Variants in HAO1 observed in about 807,000 individuals in gnomAD.
The protein encoded by HAO1 is hydroxyacid oxidase 1, also known as 2-Hydroxyacid oxidase 1.
Under a neutral mutation model 39.7 loss-of-function variants are expected in HAO1, and 34 were observed. The observed-to-expected ratio is 0.86, with a 90% CI of 0.65 to 1.14. The LOEUF is 1.14. Among genes scored for constraint, HAO1 ranks in the 50% most tolerant of loss-of-function variants. HAO1 has a pLI of 0.00. For missense variants in HAO1, 479 were observed against 464.5 expected (o/e 1.03, Z -0.29); for synonymous variants, 172 against 173.2 (o/e 0.99, Z 0.05).
At chr20:7,886,921 C>A (rs2294307) in intron 5 of HAO1, among the ~76,000 whole-genome samples, 12,910 of 152,180 alleles carry the variant, frequency 0.085, 815 homozygotes, top group South Asian at 0.3. Context: ...GGTATTGTTT[C>A]CCCCTCATCT....
intron 3 of HAO1, among the ~76,000 whole-genome samples, chr20:7,913,832 G>T (rs1489589877): frequency 6.6e-6 from 1 of 152,128 alleles, no homozygotes; most frequent in Non-Finnish European, 1.5e-5. Context: ...GGTAAAGGTG[G>T]CTCTTTGACT....
intron 2 of HAO1, among the ~76,000 whole-genome samples, chr20:7,925,017 G>A (rs2050352822): frequency 6.6e-6 from 1 of 152,114 alleles, no homozygotes; most frequent in African/African-American, 2.4e-5. Flanking sequence ...GCACCATAAT[G>A]TCCATTGAGT....
intron 1 of HAO1, among the ~76,000 whole-genome samples, chr20:7,934,950 C>G (rs1000229227): frequency 6.6e-6 from 1 of 152,178 alleles, no homozygotes; most frequent in Non-Finnish European, 1.5e-5. Flanking sequence ...CCATGACAAT[C>G]AAGATCTAGA....
intron 5 of HAO1, among the ~76,000 whole-genome samples, chr20:7,889,054 T>C (rs914663838): frequency 3.9e-5 from 6 of 152,274 alleles, no homozygotes; most frequent in South Asian, 4.1e-4. Context: ...TCAGCCCAAA[T>C]TGCCAACCCA....
At chr20:7,934,366 G>C (rs2050399939) in intron 2 of HAO1, 118 bp downstream of exon 2, 1 of 689,326 alleles carries the variant, frequency 1.5e-6, no homozygotes, top group Non-Finnish European at 2.4e-6. Context: ...TAGAGTCCAT[G>C]AGCTTAATGT....
intron 4 of HAO1, among the ~76,000 whole-genome samples, chr20:7,903,861 T>C (rs1243507595): frequency 7.2e-5 from 5 of 69,734 alleles, no homozygotes; most frequent in East Asian, 1.4e-3. Context: ...GTGGTAGCGG[T>C]GGTGGTGGTG....
chr20:7,918,622 G>A (rs1227506993), intron 2 of HAO1, among the ~76,000 whole-genome samples: 1 of 152,084 alleles, frequency 6.6e-6, no homozygotes, highest in African/African-American at 2.4e-5. Context: ...CAGAGCGGGG[G>A]GCATCCACCC....
At chr20:7,936,611 A>G (rs2050413553) in intron 1 of HAO1, among the ~76,000 whole-genome samples, 1 of 151,508 alleles carries the variant, frequency 6.6e-6, no homozygotes. Context: ...TCCCATTTAT[A>G]AAGCAAAGCT....
At chr20:7,883,985 T>C (rs1192018644) in intron 7 of HAO1, among the ~76,000 whole-genome samples, 1 of 152,200 alleles carries the variant, frequency 6.6e-6, no homozygotes, top group Non-Finnish European at 1.5e-5. Flanking sequence ...GGCATTCTTC[T>C]TGTTGAGGCT....
At chr20:7,895,905 C>G (rs1349745734) in intron 4 of HAO1, among the ~76,000 whole-genome samples, 2 of 151,478 alleles carry the variant, frequency 1.3e-5, no homozygotes, top group Non-Finnish European at 1.5e-5. Flanking sequence ...AAAACAAAAA[C>G]AAAAACAAAA....
chr20:7,916,933 A>G (rs2050309698), intron 2 of HAO1, among the ~76,000 whole-genome samples: 1 of 152,228 alleles, frequency 6.6e-6, no homozygotes, highest in African/African-American at 2.4e-5. Context: ...GATTTTCATT[A>G]AGATTTGGAA....
At chr20:7,914,006 A>G (rs183005211) in intron 3 of HAO1, among the ~76,000 whole-genome samples, 158 bp downstream of exon 3, 2 of 152,150 alleles carry the variant, frequency 1.3e-5, no homozygotes, top group African/African-American at 2.4e-5. Context: ...TTCTGTTTCT[A>G]TTGTGTATCT....
intron 2 of HAO1, among the ~76,000 whole-genome samples, chr20:7,930,002 G>C (rs2050378777): frequency 6.6e-6 from 1 of 152,158 alleles, no homozygotes; most frequent in Non-Finnish European, 1.5e-5. Context: ...GGGAAAATGA[G>C]ACTATGGCAC....
intron 4 of HAO1, among the ~76,000 whole-genome samples, chr20:7,895,969 G>T (rs937521984): frequency 5.3e-5 from 8 of 152,112 alleles, no homozygotes; most frequent in Admixed American, 2.6e-4. Flanking sequence ...CTACTCAGGA[G>T]GCTGAGGCAG....
At chr20:7,915,605 A>T (rs551489520) in intron 2 of HAO1, among the ~76,000 whole-genome samples, 4 of 152,308 alleles carry the variant, frequency 2.6e-5, no homozygotes, top group African/African-American at 9.6e-5. Context: ...AGATAGAGAG[A>T]TAGACTTATG....
At chr20:7,887,659 C>G (rs2050156674) in intron 5 of HAO1, among the ~76,000 whole-genome samples, 1 of 152,112 alleles carries the variant, frequency 6.6e-6, no homozygotes, top group Non-Finnish European at 1.5e-5. Context: ...GCATATTTCC[C>G]CATTTGAAAC....
chr20:7,902,743 A>G (rs917234232), intron 4 of HAO1, among the ~76,000 whole-genome samples: 1 of 152,174 alleles, frequency 6.6e-6, no homozygotes, highest in African/African-American at 2.4e-5. Flanking sequence ...AAAAGGCACC[A>G]TGCCTTTGCT....
intron 5 of HAO1, among the ~76,000 whole-genome samples, chr20:7,887,296 G>A (rs571674048): frequency 1.3e-5 from 2 of 152,260 alleles, no homozygotes; most frequent in East Asian, 3.9e-4. Context: ...GTATGCTGAG[G>A]AAGCTGCCAT....
intron 2 of HAO1, among the ~76,000 whole-genome samples, chr20:7,930,689 T>C (rs1232486757): frequency 6.6e-6 from 1 of 152,140 alleles, no homozygotes; most frequent in African/African-American, 2.4e-5. Context: ...GTGACCATAT[T>C]AGAAAATGCT....
Sources: allele counts gnomAD v4.1 joint callset (sites outside exome capture counted in the v4.1 genomes callset), GRCh38; gene constraint gnomAD v4.1.1; transcripts MANE v1.5; gene names NCBI Gene and HGNC (gene_info 2026-07-23, HGNC 2026-07-21).